Variants in ADGRL3 observed in about 807,000 individuals in gnomAD.
ADGRL3 encodes the protein adhesion G protein-coupled receptor L3.
A neutral mutation model predicts 153.5 loss-of-function variants in ADGRL3; 62 were observed. That is an observed-to-expected ratio of 0.40 (90% confidence interval 0.33 to 0.50). The LOEUF is 0.50. Ranked by LOEUF, ADGRL3 falls within the 20% of genes least tolerant of loss-of-function variation. The pLI is 0.47. For synonymous variants in ADGRL3, 710 were observed against 672.5 expected (o/e 1.06, Z -0.86); for missense variants, 1,641 against 1,859.4 (o/e 0.88, Z 2.16).
intron 13 of ADGRL3, among the ~76,000 whole-genome samples, chr4:61,913,119 C>A (rs114136567): frequency 0.012 from 1,783 of 152,102 alleles, 28 homozygotes; most frequent in African/African-American, 0.041. Context: ...AGAAATGAAA[C>A]TAAATCAGTC....
chr4:61,696,723 T>A (rs1359866188), intron 6 of ADGRL3, among the ~76,000 whole-genome samples: 1 of 135,818 alleles, frequency 7.4e-6, no homozygotes, highest in Non-Finnish European at 1.5e-5. Flanking sequence ...TCGCCCAGGC[T>A]GGAGTGCAGT....
chr4:61,597,672 T>TA lies in ADGRL3; in HGVS notation c.473+10233dup, dbSNP rs774852623. On this transcript the variant is annotated intron_variant, in intron 5 of 26. Transcript: ENST00000683033. ...ATGGTCGTTTTTTGTTTTTTTTTTT[T>TA]ACTTTTACAACTATACACGTGAAGT... Among the ~76,000 whole-genome samples the TA allele has an allele frequency of 8.3e-4, 126 of 151,512 alleles. 1 individual carries two copies. The highest frequency in any genetic ancestry group is 1.4e-3 in the Non-Finnish European group (94 of 67,802).
At chr4:61,600,003 A>G (rs1452922667) in intron 5 of ADGRL3, among the ~76,000 whole-genome samples, 1 of 152,176 alleles carries the variant, frequency 6.6e-6, no homozygotes, top group African/African-American at 2.4e-5. Flanking sequence ...TTAAACTGAA[A>G]GTTTTCTAAT....
chr4:61,203,728 A>G (rs1208930768), intron 1 of ADGRL3, among the ~76,000 whole-genome samples: 1 of 152,084 alleles, frequency 6.6e-6, no homozygotes, highest in Non-Finnish European at 1.5e-5. Context: ...TCTTTTGTAT[A>G]TTTTTCCATC....
intron 4 of ADGRL3, among the ~76,000 whole-genome samples, chr4:61,573,794 T>C (rs2098848988): frequency 6.6e-6 from 1 of 151,990 alleles, no homozygotes; most frequent in Non-Finnish European, 1.5e-5. Flanking sequence ...GTGTTCACTG[T>C]GCTACAAGCT....
intron 2 of ADGRL3, among the ~76,000 whole-genome samples, chr4:61,419,286 A>G (rs1433069079): frequency 6.6e-6 from 1 of 150,922 alleles, no homozygotes; most frequent in Non-Finnish European, 1.5e-5. Flanking sequence ...CTAAATAAAG[A>G]CCAAAATACT....
At chr4:61,905,465 T>C (rs576698411) in intron 11 of ADGRL3, among the ~76,000 whole-genome samples, 34 of 152,260 alleles carry the variant, frequency 2.2e-4, no homozygotes, top group Admixed American at 7.2e-4. Context: ...TTGATCTACA[T>C]TGAGTTTGTT....
At chr4:61,859,002 G>A (rs1462153017) in intron 9 of ADGRL3, among the ~76,000 whole-genome samples, 7 of 152,158 alleles carry the variant, frequency 4.6e-5, no homozygotes, top group African/African-American at 1.7e-4. Flanking sequence ...AGAGATTTGG[G>A]AGGAAAAACA....
intron 13 of ADGRL3, among the ~76,000 whole-genome samples, chr4:61,915,002 T>C (rs1304435755): frequency 6.6e-6 from 1 of 152,088 alleles, no homozygotes. Context: ...TATTATTTTA[T>C]TCTTGCGCAT....
At chr4:61,774,411 A>AAAAAAT (rs1187108901) in intron 8 of ADGRL3, among the ~76,000 whole-genome samples, 1 of 151,704 alleles carries the variant, frequency 6.6e-6, no homozygotes, top group African/African-American at 2.4e-5. Flanking sequence ...AAACATAAAA[A>AAAAAAT]AAAAATAAAA....
chr4:61,901,972 TGAG>T (rs1468558610), intron 11 of ADGRL3, among the ~76,000 whole-genome samples: 1 of 152,248 alleles, frequency 6.6e-6, no homozygotes, highest in African/African-American at 2.4e-5. Flanking sequence ...CTTTAAGCTA[TGAG>T]ATGTGGAATA....
At position 61,365,468 on chromosome 4, in the gene ADGRL3, T is replaced by C. The variant is rs982486063; in HGVS notation, c.-239-17656T>C. Among the ~76,000 whole-genome samples the C allele has an allele frequency of 2.8e-4, 42 of 152,176 alleles. 1 individual carries two copies. Among genetic ancestry groups the C allele is most frequent in the African/African-American group, 9.9e-4 (41 of 41,446 alleles). The stretch of plus-strand genomic sequence containing the variant: ...CAGAAAGAATTAGATCATTCATATA[T>C]TGGAGGCAAGGGAAAGGTATCTGCC... On this transcript the variant is annotated intron_variant, in intron 1 of 26. Coordinates refer to ENST00000683033, the MANE Select transcript of ADGRL3 (RefSeq NM_001387552.1).
At chr4:61,474,016 A>G (rs1463847005) in intron 2 of ADGRL3, among the ~76,000 whole-genome samples, 1 of 152,092 alleles carries the variant, frequency 6.6e-6, no homozygotes, top group Admixed American at 6.6e-5. Context: ...CGTCAGGAAA[A>G]TCTTTGCAGA....
At chr4:61,924,358 T>G (rs2098784855) in intron 13 of ADGRL3, among the ~76,000 whole-genome samples, 1 of 152,144 alleles carries the variant, frequency 6.6e-6, no homozygotes, top group Admixed American at 6.6e-5. Context: ...TTGTCCACAC[T>G]TTATACATTC....
At chr4:61,866,272 T>C (rs1211787469) in intron 9 of ADGRL3, among the ~76,000 whole-genome samples, 1 of 152,144 alleles carries the variant, frequency 6.6e-6, no homozygotes, top group East Asian at 1.9e-4. Flanking sequence ...TATCATTACG[T>C]TTAAATGAGG....
At chr4:61,947,639 T>C (rs1186346095) in intron 16 of ADGRL3, among the ~76,000 whole-genome samples, 1 of 152,166 alleles carries the variant, frequency 6.6e-6, no homozygotes, top group Non-Finnish European at 1.5e-5. Flanking sequence ...TAAAGAAGAA[T>C]AGGAGTACAT....
chr4:61,786,161 A>T (rs2097273634), intron 8 of ADGRL3, among the ~76,000 whole-genome samples: 1 of 152,226 alleles, frequency 6.6e-6, no homozygotes, highest in Admixed American at 6.5e-5. Context: ...TTCTACATTC[A>T]TGCTAATAGA....
intron 17 of ADGRL3, among the ~76,000 whole-genome samples, chr4:61,954,413 T>G (rs1560424660): frequency 1.3e-5 from 2 of 152,074 alleles, no homozygotes; most frequent in African/African-American, 2.4e-5. Flanking sequence ...TTCTCTTAAT[T>G]TAATTTTCAA....
chr4:61,932,644 C>A (rs964238622), intron 13 of ADGRL3, among the ~76,000 whole-genome samples: 1 of 152,016 alleles, frequency 6.6e-6, no homozygotes, highest in Non-Finnish European at 1.5e-5. Context: ...CTCGTGGTGT[C>A]TAAGTCTGGC....
Sources: allele counts gnomAD v4.1 joint callset (sites outside exome capture counted in the v4.1 genomes callset), GRCh38; gene constraint gnomAD v4.1.1; transcripts MANE v1.5; gene names NCBI Gene and HGNC (gene_info 2026-07-23, HGNC 2026-07-21).